The following CAV1 variants were observed in gnomAD, a reference collection of about 807,000 sequenced individuals.
The protein encoded by CAV1 is caveolin 1.
In CAV1, 10 loss-of-function variants were observed where a neutral mutation model predicts 16.5. The ratio of observed to expected loss-of-function variants is 0.61; its 90% CI spans 0.37 to 1.03. CAV1 has a LOEUF of 1.03. Ranked by LOEUF, CAV1 falls within the 50% of genes least tolerant of loss-of-function variation. The probability of loss-of-function intolerance (pLI) is 0.01; values close to 1 mark genes in which losing one functional copy is unlikely to be tolerated. For synonymous variants in CAV1, 76 were observed against 85.1 expected (o/e 0.89, Z 0.59); for missense variants, 212 against 232.8 (o/e 0.91, Z 0.58).
intron 2 of CAV1, chr7:116,551,715 G>A (rs1415354933): frequency 6.6e-6 from 1 of 152,072 alleles, no homozygotes; most frequent in Non-Finnish European, 1.5e-5. Context: ...TGTGTGTTAG[G>A]AATCAAAGTG....
In CAV1 at chr7:116,550,914, T is replaced by C. The variant is rs191790621; in HGVS notation, c.196-8032T>C. Among the ~76,000 whole-genome samples, 58 of 152,298 alleles carry C rather than the reference T, an allele frequency of 3.8e-4. 3 individuals are homozygous for C. The highest frequency in any genetic ancestry group is 6.8e-3 in the Middle Eastern group (2 of 294). ...TTATGGGCTTAAATTAGCAAAAGCC[T>C]CTCAAAAAGTAGCTCCACTCATTTA... On this transcript the variant is annotated intron_variant, in intron 2 of 2. Coordinates refer to ENST00000341049, the MANE Select transcript of CAV1 (RefSeq NM_001753.5).
At chr7:116,536,877 C>T (rs1475771230) in intron 2 of CAV1, among the ~76,000 whole-genome samples, 1 of 151,686 alleles carries the variant, frequency 6.6e-6, no homozygotes, top group Admixed American at 6.6e-5. Context: ...GTGGCGGGCG[C>T]CTGTAGTCCC....
chr7:116,529,511 A>G (rs1462348399), intron 2 of CAV1, among the ~76,000 whole-genome samples: 1 of 152,242 alleles, frequency 6.6e-6, no homozygotes. Context: ...TCTATTGGAC[A>G]GTGCCAGATT....
chr7:116,545,311 C>T (rs1406336608), intron 2 of CAV1, among the ~76,000 whole-genome samples: 1 of 152,194 alleles, frequency 6.6e-6, no homozygotes, highest in Non-Finnish European at 1.5e-5. Context: ...AATGAAGAAT[C>T]ATTAGACCTA....
intron 2 of CAV1, among the ~76,000 whole-genome samples, chr7:116,540,814 AT>A (rs1310343907): frequency 4.6e-5 from 7 of 152,262 alleles, no homozygotes; most frequent in Admixed American, 4.6e-4. Flanking sequence ...AGGTAAGCAT[AT>A]AAAAACAAGA....
chr7:116,546,702 A>AAAAAAAAAAATAAAT (rs1554356429), intron 2 of CAV1, among the ~76,000 whole-genome samples: 1 of 142,952 alleles, frequency 7.0e-6, no homozygotes, highest in Non-Finnish European at 1.5e-5. Context: ...TGTCACAAAA[A>AAAAAAAAAAATAAAT]AAAAAAAAAA....
chr7:116,560,088 G>A lies in CAV1; in HGVS notation c.*801G>A, dbSNP rs1297839957. 3 of 359,056 alleles carry A rather than the reference G, an allele frequency of 8.4e-6. No individual in the cohort carries two copies. Among genetic ancestry groups the A allele is most frequent in the African/African-American group, 4.2e-5 (2 of 47,716 alleles). 22.2% of individuals were successfully genotyped at this position (359,056 alleles called of 1,614,324 possible). On this transcript the variant is annotated 3_prime_UTR_variant, in exon 3 of 3. Coordinates refer to ENST00000341049, the MANE Select transcript of CAV1 (RefSeq NM_001753.5). ...TTTCTGACTCTGAGCTACAGAGTCT[G>A]GTGAAGCTCACTTCTGGGCTTCATC...
intron 2 of CAV1, among the ~76,000 whole-genome samples, chr7:116,558,046 C>G (rs1373384547): frequency 6.6e-6 from 1 of 152,130 alleles, no homozygotes; most frequent in Non-Finnish European, 1.5e-5. Context: ...ATTGTTCTTC[C>G]TCTCCAAATC....
In CAV1 at chr7:116,559,313, C is replaced by A. The variant is rs959737965; in HGVS notation, c.*26C>A. The A allele has an allele frequency of 6.4e-7, 1 of 1,572,104 alleles. No individual in the cohort carries two copies. Among genetic ancestry groups the A allele is most frequent in the Non-Finnish European group, 8.7e-7 (1 of 1,143,132 alleles). ...ATGACATTTCAAGGATAGAAGTATACCTGATTTTTTTTCCTTTTAATTTTC... is the reference window on the plus strand; with the variant it reads ...ATGACATTTCAAGGATAGAAGTATAACTGATTTTTTTTCCTTTTAATTTTC... On this transcript the variant is annotated 3_prime_UTR_variant, in exon 3 of 3. Coordinates refer to ENST00000341049, the MANE Select transcript of CAV1 (RefSeq NM_001753.5).
chr7:116,525,519 C>T (rs1490940898), intron 1 of CAV1: 5 of 1,232,882 alleles, frequency 4.1e-6, no homozygotes, highest in Non-Finnish European at 2.1e-6. Context: ...CGGGACTCTC[C>T]GCCAGGCGCC....
intron 2 of CAV1, among the ~76,000 whole-genome samples, chr7:116,531,998 A>G (rs1468278974): frequency 1.3e-5 from 2 of 152,230 alleles, no homozygotes; most frequent in African/African-American, 4.8e-5. Context: ...ACCCAAAATT[A>G]CATACATTTT....
chr7:116,525,397 T>G, intron 1 of CAV1: 1 of 1,489,248 alleles, frequency 6.7e-7, no homozygotes, highest in Non-Finnish European at 9.0e-7. Context: ...TGGATGGGTC[T>G]AGGATGCTCC....
At position 116,555,542 on chromosome 7, in the gene CAV1, G is replaced by GAGAGAGAAAGAA. The variant is rs1478856618; in HGVS notation, c.196-3401_196-3400insGAGAAAGAAAGA. Among the ~76,000 whole-genome samples the GAGAGAGAAAGAA allele has an allele frequency of 2.4e-3, 29 of 12,142 alleles. 3 individuals are homozygous for GAGAGAGAAAGAA. The highest frequency in any genetic ancestry group is 3.6e-3 in the Non-Finnish European group (21 of 5,760). 8.0% of individuals were successfully genotyped at this position (12,142 alleles called of 152,430 possible). A position where few individuals can be genotyped will look rare whatever the true frequency, so the allele number is the denominator to read the frequency against. On this transcript the variant is annotated intron_variant, in intron 2 of 2. Coordinates refer to ENST00000341049, the MANE Select transcript of CAV1 (RefSeq NM_001753.5). ...AAAGAGAGAGAGAGAGAGAGAGAGAGAGAAAGAAAGAAAGAAAGAAAGAAA... is the reference window on the plus strand; with the variant it reads ...AAAGAGAGAGAGAGAGAGAGAGAGAGAGAGAGAAAGAAAGAAAGAAAGAAAGAAAGAAAGAAA...
At position 116,526,677 on chromosome 7, in the gene CAV1, T is replaced by C. The variant is rs367595268; in HGVS notation, c.183T>C (p.Asp61=). 1.6e-5 allele frequency: 26 copies of C among 1,613,984 alleles called. No homozygotes were observed. The highest frequency in any genetic ancestry group is 2.2e-5 in the Non-Finnish European group (26 of 1,180,032). Residue 61 remains aspartate, a synonymous_variant, in exon 2 of 3, where the codon GAT becomes GAC. Coordinates refer to ENST00000341049, the MANE Select transcript of CAV1 (RefSeq NM_001753.5). ...LVNRDPKHLN[D]DVVKIDFEDV... ...ACCGCGACCCTAAACACCTCAACGA[T>C]GACGTGGTCAAGGTAAGCCAAGGCG...
chr7:116,528,596 A>T (rs552943376), intron 2 of CAV1, among the ~76,000 whole-genome samples: 1 of 152,210 alleles, frequency 6.6e-6, no homozygotes, highest in East Asian at 1.9e-4. Flanking sequence ...CCCTACAGAG[A>T]GACACCAAGA....
At chr7:116,533,001 A>G (rs2115965016) in intron 2 of CAV1, among the ~76,000 whole-genome samples, 1 of 152,236 alleles carries the variant, frequency 6.6e-6, no homozygotes, top group South Asian at 2.1e-4. Flanking sequence ...ACGAGATTTG[A>G]GCTTATATGT....
chr7:116,535,809 A>C (rs1458332468), intron 2 of CAV1, among the ~76,000 whole-genome samples: 1 of 152,242 alleles, frequency 6.6e-6, no homozygotes, highest in African/African-American at 2.4e-5. Flanking sequence ...TGGCAGGGGA[A>C]GTACATATTC....
chr7:116,548,828 G>C (rs1260698093), intron 2 of CAV1, among the ~76,000 whole-genome samples: 1 of 152,160 alleles, frequency 6.6e-6, no homozygotes, highest in Admixed American at 6.5e-5. Flanking sequence ...CTCACACACA[G>C]GGCATGATGT....
chr7:116,559,014 C>T lies in CAV1; in HGVS notation c.264C>T (p.Ser88=), dbSNP rs1323905374. 1 of 1,613,890 alleles carries T rather than the reference C, an allele frequency of 6.2e-7. No homozygotes were observed. The change falls in exon 3 of 3, where the codon AGC becomes AGT. Residue 88 remains serine (S), a synonymous_variant. Transcript: ENST00000341049. ...THSFDGIWKA[S]FTTFTVTKYW... is the part of the protein sequence containing the mutation. ...GTTTTGACGGCATTTGGAAGGCCAG[C>T]TTCACCACCTTCACTGTGACGAAAT... is the stretch of plus-strand genomic sequence containing the variant.
Sources: allele counts gnomAD v4.1 joint callset (sites outside exome capture counted in the v4.1 genomes callset), GRCh38; gene constraint gnomAD v4.1.1; transcripts MANE v1.5; gene names NCBI Gene and HGNC (gene_info 2026-07-23, HGNC 2026-07-21).